The following USP47 variants were observed in gnomAD, a reference collection of about 807,000 sequenced individuals.
USP47 encodes the protein ubiquitin carboxyl-terminal hydrolase 47.
In USP47, 35 loss-of-function variants were observed where a neutral mutation model predicts 165.1. The observed-to-expected ratio is 0.21, with a 90% CI of 0.16 to 0.28. The LOEUF (loss-of-function observed/expected upper bound fraction) is 0.28. Ranked by LOEUF, USP47 falls within the 10% of genes least tolerant of loss-of-function variation. The pLI is 1.00. For missense variants in USP47, 1,277 were observed against 1,607.4 expected, an observed-to-expected ratio of 0.79 and a Z score of 3.52; for synonymous variants, 531 against 544.5, an observed-to-expected ratio of 0.98 and a Z score of 0.35.
At chr11:11,861,253 C>T (rs368028657) in intron 1 of USP47, among the ~76,000 whole-genome samples, 1 of 152,116 alleles carries the variant, frequency 6.6e-6, no homozygotes, top group Non-Finnish European at 1.5e-5. Flanking sequence ...TGCCACCATG[C>T]CCAGCTAATT....
intron 16 of USP47, among the ~76,000 whole-genome samples, chr11:11,935,927 G>C (rs1232731890): frequency 6.6e-6 from 1 of 151,812 alleles, no homozygotes; most frequent in Non-Finnish European, 1.5e-5. Context: ...GAAAACAAAA[G>C]GTGCATATTC....
At position 11,930,769 on chromosome 11, in the gene USP47, T is replaced by C. The variant is rs768633934; in HGVS notation, c.1651+18T>C. The C allele has an allele frequency of 6.3e-7, 1 of 1,591,836 alleles. No homozygotes were observed. Among genetic ancestry groups the C allele is most frequent in the East Asian group, 2.3e-5 (1 of 44,190 alleles). On this transcript the variant is annotated intron_variant, in intron 14 of 27. Transcript: ENST00000527733. ...AAATGCAAGTATGTTTACCTACAGT[T>C]ATTTGATTTTAATTTGTGTTATAAA...
At chr11:11,937,572 G>GC (rs1403331355) in intron 17 of USP47, among the ~76,000 whole-genome samples, 1 of 132,610 alleles carries the variant, frequency 7.5e-6, no homozygotes, top group Non-Finnish European at 1.6e-5. Flanking sequence ...ACATTTCCTT[G>GC]CTTTTTTTTT....
At chr11:11,912,322 A>G (rs1395573953) in intron 8 of USP47, among the ~76,000 whole-genome samples, 1 of 152,080 alleles carries the variant, frequency 6.6e-6, no homozygotes, top group Admixed American at 6.6e-5. Context: ...AAATAGCAAG[A>G]CTGACAGAGA....
At chr11:11,938,650 A>G (rs1343315952) in intron 18 of USP47, among the ~76,000 whole-genome samples, 2 of 152,030 alleles carry the variant, frequency 1.3e-5, no homozygotes, top group East Asian at 3.9e-4. Flanking sequence ...AGAGCTTTAA[A>G]CAGTAAACAC....
chr11:11,944,667 A>G (rs1359029595), intron 20 of USP47, among the ~76,000 whole-genome samples: 1 of 152,218 alleles, frequency 6.6e-6, no homozygotes, highest in African/African-American at 2.4e-5. Flanking sequence ...TCACACTGCC[A>G]GGATGAGACT....
chr11:11,872,900 A>C (rs1388883295), intron 1 of USP47, among the ~76,000 whole-genome samples: 1 of 152,202 alleles, frequency 6.6e-6, no homozygotes, highest in Non-Finnish European at 1.5e-5. Context: ...TGGTTTGTCT[A>C]TATAATGGAA....
intron 1 of USP47, chr11:11,873,803 G>T: frequency 6.8e-7 from 1 of 1,474,704 alleles, no homozygotes; most frequent in Non-Finnish European, 9.0e-7. Flanking sequence ...ACCATAGGAT[G>T]TGTTTTGGAG....
At position 11,897,580 on chromosome 11, in the gene USP47, G is replaced by A. The variant is rs138592355; in HGVS notation, c.497-17G>A. 2.6e-6 allele frequency: 4 copies of A among 1,545,270 alleles called. No individual in the cohort carries two copies. The highest frequency in any genetic ancestry group is 4.5e-5 in the East Asian group (2 of 44,246). On this transcript the variant is annotated splice_polypyrimidine_tract_variant and intron_variant, in intron 4 of 27. Transcript: ENST00000527733. ...TGTAAATGCTGATTAATGTACATTT[G>A]TATTTTCTCTTTAAAGGATATGTGG... is the stretch of plus-strand genomic sequence containing the variant.
rs1005669678 is a variant in USP47, at chr11:11,957,301, A to G, written c.*1126A>G. 1.3e-5 allele frequency: 2 copies of G among 152,496 alleles called. No homozygotes were observed. The highest frequency in any genetic ancestry group is 2.9e-5 in the Non-Finnish European group (2 of 68,050). The allele number at this position is 152,496 out of a possible 1,614,324, so 9.4% of individuals were successfully genotyped here. A position where few individuals can be genotyped will look rare whatever the true frequency, so the allele number is the denominator to read the frequency against. On this transcript the variant is annotated 3_prime_UTR_variant, in exon 28 of 28. Coordinates refer to ENST00000527733, the MANE Select transcript of USP47 (RefSeq NM_001282659.2). The stretch of plus-strand genomic sequence containing the variant: ...CTTGCTAATGAGGTCAGGTCATGGT[A>G]CAGACTGATGCAGTCAACATGATTT...
intron 3 of USP47, 143 bp from the exon 4 acceptor site, chr11:11,891,825 G>GT: frequency 9.6e-7 from 1 of 1,037,278 alleles, no homozygotes. Flanking sequence ...AATTTAGAAA[G>GT]TAACACTTTG....
At position 11,956,338 on chromosome 11, in the gene USP47, C is replaced by A; in HGVS notation, c.*163C>A. On this transcript the variant is annotated 3_prime_UTR_variant, in exon 28 of 28. Transcript: ENST00000527733. ...ATCAGAAGCTCAGTGCCCAATGGGC[C>A]ACTGTTTTGACTCGGAATCATGTTG... is the stretch of plus-strand genomic sequence containing the variant. The A allele has an allele frequency of 1.7e-6, 1 of 579,758 alleles. No homozygotes were observed. Among genetic ancestry groups the A allele is most frequent in the South Asian group, 2.9e-5 (1 of 34,886 alleles). 35.9% of individuals were successfully genotyped at this position (579,758 alleles called of 1,614,324 possible). A position where few individuals can be genotyped will look rare whatever the true frequency, so the allele number is the denominator to read the frequency against.
At chr11:11,851,900 TC>T (rs1848749279) in intron 1 of USP47, among the ~76,000 whole-genome samples, 2 of 152,156 alleles carry the variant, frequency 1.3e-5, no homozygotes, top group Admixed American at 1.3e-4. Context: ...TGGGATGTGT[TC>T]TTCTTAGTGC....
At chr11:11,948,212 T>TA (rs1855976051) in intron 21 of USP47, 92 bp downstream of exon 21, 2 of 1,401,180 alleles carry the variant, frequency 1.4e-6, no homozygotes, top group Admixed American at 5.2e-5. Context: ...GTGAAGTAGA[T>TA]AAACTGGAAG....
At position 11,929,496 on chromosome 11, in the gene USP47, T is replaced by C. The variant is rs760941303; in HGVS notation, c.1449T>C (p.His483=). 4 of 1,613,292 alleles carry C rather than the reference T, an allele frequency of 2.5e-6. No individual in the cohort carries two copies. In the African/African-American group the frequency reaches 5.3e-5, roughly 22 times the overall value. Reference sequence around the variant, plus strand: ...ATTCTGGGAGCGCTGCTGGTGGTCATTATTATGCATGTATAAAGTCATTCA... The same window carrying C: ...ATTCTGGGAGCGCTGCTGGTGGTCACTATTATGCATGTATAAAGTCATTCA... ...MVHSGSAAGG[H]YYACIKSFSD... is the part of the protein sequence containing the mutation. The change falls in exon 12 of 28, where the codon CAT becomes CAC. Residue 483 remains histidine, a synonymous_variant. Coordinates refer to ENST00000527733, the MANE Select transcript of USP47 (RefSeq NM_001282659.2).
intron 11 of USP47, among the ~76,000 whole-genome samples, chr11:11,923,552 T>C (rs188734651): frequency 4.6e-5 from 7 of 152,262 alleles, no homozygotes; most frequent in South Asian, 4.1e-4. Context: ...ACCATTTTTT[T>C]CCACATATAT....
At chr11:11,870,095 C>A (rs1400259625) in intron 1 of USP47, among the ~76,000 whole-genome samples, 2 of 144,490 alleles carry the variant, frequency 1.4e-5, no homozygotes, top group Non-Finnish European at 3.1e-5. Context: ...CCTCTGTTAT[C>A]TTTTACTTGT....
intron 2 of USP47, among the ~76,000 whole-genome samples, chr11:11,881,600 C>T (rs1003914469): frequency 1.3e-5 from 2 of 151,966 alleles, no homozygotes; most frequent in Non-Finnish European, 2.9e-5. Context: ...TTTAATTTCT[C>T]AAAATTTTTG....
intron 20 of USP47, 53 bp downstream of exon 20, chr11:11,943,165 A>T: frequency 6.5e-7 from 1 of 1,532,610 alleles, no homozygotes; most frequent in Non-Finnish European, 8.8e-7. Context: ...TTTTTCTCTC[A>T]GTTTATTTAA....
Sources: gnomAD v4.1 joint callset for allele counts (sites outside exome capture counted in the v4.1 genomes callset) on GRCh38, gnomAD v4.1.1 for gene constraint, MANE v1.5 for transcripts, NCBI Gene and HGNC (gene_info 2026-07-23, HGNC 2026-07-21) for gene names.